Variants in CA8 observed in about 807,000 individuals in gnomAD.
CA8 encodes the protein carbonic anhydrase-related protein.
A neutral mutation model predicts 41.4 loss-of-function variants in CA8; 22 were observed. That is an observed-to-expected ratio of 0.53 (90% CI 0.38 to 0.76). CA8 has a LOEUF of 0.76. Among genes scored for constraint, CA8 ranks in the 30% least tolerant of loss-of-function variants. The pLI is 0.00. For synonymous variants in CA8, 121 were observed against 130.6 expected (o/e 0.93, Z 0.50); for missense variants, 270 against 352.8 (o/e 0.77, Z 1.88).
chr8:60,266,133 C>A (rs1327821206), intron 2 of CA8, 84 bp from the exon 3 acceptor site: 2 of 1,324,032 alleles, frequency 1.5e-6, no homozygotes, highest in Admixed American at 2.0e-5. Flanking sequence ...TTTTTTCCAC[C>A]AAAATGCTCT....
chr8:60,192,673 G>T (rs1202460543), intron 8 of CA8, among the ~76,000 whole-genome samples: 2 of 152,080 alleles, frequency 1.3e-5, no homozygotes, highest in East Asian at 3.8e-4. Context: ...CAAAATGACA[G>T]TAGCAATTGC....
At chr8:60,225,426 G>A (rs1488082179) in intron 5 of CA8, among the ~76,000 whole-genome samples, 1 of 152,112 alleles carries the variant, frequency 6.6e-6, no homozygotes, top group Non-Finnish European at 1.5e-5. Context: ...ATTCCATAAT[G>A]ACTGGTGTCC....
chr8:60,196,251 G>A (rs1347775319), intron 8 of CA8, among the ~76,000 whole-genome samples: 2 of 152,100 alleles, frequency 1.3e-5, no homozygotes, highest in African/African-American at 4.8e-5. Flanking sequence ...AATCTATAAT[G>A]ATAATAATAG....
intron 7 of CA8, among the ~76,000 whole-genome samples, chr8:60,214,387 C>T (rs1208793168): frequency 6.6e-6 from 1 of 152,182 alleles, no homozygotes; most frequent in East Asian, 1.9e-4. Context: ...CTTAATACAT[C>T]ACATTGGCAA....
intron 3 of CA8, among the ~76,000 whole-genome samples, chr8:60,258,071 C>T (rs112818092): frequency 0.016 from 2,504 of 152,298 alleles, 61 homozygotes; most frequent in African/African-American, 0.056. Context: ...CTACATCTCG[C>T]CCAGAGCATG....
At chr8:60,270,950 G>A (rs1804050813) in intron 2 of CA8, among the ~76,000 whole-genome samples, 1 of 152,162 alleles carries the variant, frequency 6.6e-6, no homozygotes, top group South Asian at 2.1e-4. Context: ...CAATAGCACA[G>A]AGAGCAGGCC....
At chr8:60,229,283 C>T (rs1807556644) in intron 4 of CA8, among the ~76,000 whole-genome samples, 1 of 152,160 alleles carries the variant, frequency 6.6e-6, no homozygotes, top group Non-Finnish European at 1.5e-5. Context: ...CTGAACCCTT[C>T]GAGTCTGCCC....
intron 3 of CA8, among the ~76,000 whole-genome samples, chr8:60,250,529 T>C (rs1429296387): frequency 6.6e-6 from 1 of 152,184 alleles, no homozygotes; most frequent in African/African-American, 2.4e-5. Context: ...ACCCGTTCTT[T>C]TTCCTTTTGT....
chr8:60,221,788 AT>A (rs1001520048), intron 7 of CA8, among the ~76,000 whole-genome samples: 7 of 151,824 alleles, frequency 4.6e-5, no homozygotes, highest in Admixed American at 2.0e-4. Context: ...TGGAAGAAGG[AT>A]TTTTTTTTAA....
At chr8:60,240,354 G>A (rs1050323076) in intron 3 of CA8, among the ~76,000 whole-genome samples, 31 of 152,214 alleles carry the variant, frequency 2.0e-4, no homozygotes, top group Non-Finnish European at 1.3e-4. Flanking sequence ...AACAAGTGGA[G>A]CAAGGCCAAT....
chr8:60,265,769 C>A (rs975410977), intron 3 of CA8, 156 bp downstream of exon 3: 33 of 799,716 alleles, frequency 4.1e-5, no homozygotes, highest in East Asian at 3.3e-4. Flanking sequence ...ATGTGCTGCC[C>A]TAGGCTTCCA....
chr8:60,205,377 G>C (rs891844856), intron 8 of CA8, among the ~76,000 whole-genome samples: 1 of 152,142 alleles, frequency 6.6e-6, no homozygotes, highest in Non-Finnish European at 1.5e-5. Context: ...ACTTTATGAA[G>C]TAAAAAGGCA....
intron 3 of CA8, among the ~76,000 whole-genome samples, chr8:60,256,864 C>T (rs1808657755): frequency 1.3e-5 from 2 of 152,014 alleles, no homozygotes; most frequent in South Asian, 2.1e-4. Flanking sequence ...ACAATATATT[C>T]GACTAAACAG....
At chr8:60,231,201 C>T (rs1030515330) in intron 4 of CA8, among the ~76,000 whole-genome samples, 9 of 151,950 alleles carry the variant, frequency 5.9e-5, no homozygotes, top group Admixed American at 2.0e-4. Flanking sequence ...AGTTATATAA[C>T]GCCGTTATAA....
intron 3 of CA8, among the ~76,000 whole-genome samples, chr8:60,244,589 T>C (rs987815460): frequency 6.6e-6 from 1 of 152,184 alleles, no homozygotes; most frequent in Non-Finnish European, 1.5e-5. Flanking sequence ...CTATTTCATT[T>C]CTCTTTCATT....
chr8:60,204,583 C>T lies in CA8; in HGVS notation c.*35+4167G>A, dbSNP rs566791492. 9.9e-5 allele frequency among the ~76,000 whole-genome samples: 15 copies of T among 152,256 alleles called. No individual in the cohort carries two copies. The East Asian group carries it at 2.9e-3, about 29-fold the overall frequency. The stretch of plus-strand genomic sequence containing the variant: ...ATTGGTGGGTTAATAATTTTTATAT[C>T]ACATAATCAAAACATAATAGGTATT... On this transcript the variant is annotated intron_variant, in intron 8 of 8. Transcript: ENST00000317995.
At chr8:60,240,598 C>A (rs1488095931) in intron 3 of CA8, among the ~76,000 whole-genome samples, 19 of 152,178 alleles carry the variant, frequency 1.2e-4, no homozygotes, top group Admixed American at 1.2e-3. Context: ...CCACTTTCTA[C>A]CCAATGTATA....
At chr8:60,269,587 G>A (rs905870185) in intron 2 of CA8, among the ~76,000 whole-genome samples, 5 of 152,200 alleles carry the variant, frequency 3.3e-5, no homozygotes, top group African/African-American at 1.2e-4. Flanking sequence ...AAGACATGAT[G>A]TATATACATT....
chr8:60,199,840 C>CA lies in CA8; in HGVS notation c.*35+8909_*35+8910insT, dbSNP rs896809439. Among the ~76,000 whole-genome samples, 72 of 152,214 alleles carry CA rather than the reference C, an allele frequency of 4.7e-4. 2 individuals are homozygous for CA. The highest frequency in any genetic ancestry group is 1.5e-3 in the African/African-American group (61 of 41,530). ...AAAGGATGAGGCCAATCTATATGTA[C>CA]CAACATAAAAATATCTCAAAGACCT... On this transcript the variant is annotated intron_variant, in intron 8 of 8. Coordinates refer to ENST00000317995, the MANE Select transcript of CA8 (RefSeq NM_004056.6).
Sources: gnomAD v4.1 joint callset for allele counts (sites outside exome capture counted in the v4.1 genomes callset) on GRCh38, gnomAD v4.1.1 for gene constraint, MANE v1.5 for transcripts, NCBI Gene and HGNC (gene_info 2026-07-23, HGNC 2026-07-21) for gene names.